The following OSBPL3 variants were observed in gnomAD, a reference collection of about 807,000 sequenced individuals.
OSBPL3 encodes the protein oxysterol-binding protein-related protein 3.
Under a neutral mutation model 120.1 loss-of-function variants are expected in OSBPL3, and 65 were observed. That is an observed-to-expected ratio of 0.54 (90% confidence interval 0.44 to 0.67). The LOEUF (loss-of-function observed/expected upper bound fraction) is 0.67. Ranked by LOEUF, OSBPL3 falls within the 30% of genes least tolerant of loss-of-function variation. The pLI is 0.00. For missense variants in OSBPL3, 1,004 were observed against 1,082.1 expected, an observed-to-expected ratio of 0.93 and a Z score of 1.01; for synonymous variants, 416 against 402.6, an observed-to-expected ratio of 1.03 and a Z score of -0.40.
intron 15 of OSBPL3, among the ~76,000 whole-genome samples, chr7:24,832,833 T>C (rs893558704): frequency 6.6e-6 from 1 of 152,128 alleles, no homozygotes; most frequent in Non-Finnish European, 1.5e-5. Context: ...GGCAGGGGCA[T>C]AAGCAGACGT....
At chr7:24,878,421 AAATCATGT>A (rs780311600) in intron 2 of OSBPL3, among the ~76,000 whole-genome samples, 6 of 152,238 alleles carry the variant, frequency 3.9e-5, no homozygotes, top group Non-Finnish European at 7.3e-5. Context: ...ACCCAGCCTT[AAATCATGT>A]AATTTAATGT....
In OSBPL3 at chr7:24,806,670, A is replaced by G; in HGVS notation, c.2444+106T>C. The G allele has an allele frequency of 9.7e-7, 1 of 1,029,236 alleles. No individual in the cohort carries two copies. The highest frequency in any genetic ancestry group is 1.8e-5 in the South Asian group (1 of 57,004). 63.8% of individuals were successfully genotyped at this position (1,029,236 alleles called of 1,614,324 possible). ...TCCCCACCTCTCAATTCCTGATGAC[A>G]TTTTCCACCTTTCTCAGGTGCCTCT... is the stretch of plus-strand genomic sequence containing the variant. On this transcript the variant is annotated intron_variant, in intron 21 of 22. Coordinates refer to ENST00000313367, the MANE Select transcript of OSBPL3 (RefSeq NM_015550.4). The surrounding 1 kb of genome is among the most constrained non-coding windows in gnomAD (Gnocchi z 5.2).
At position 24,879,137 on chromosome 7, in the gene OSBPL3, T is replaced by C. The variant is rs1207907953; in HGVS notation, c.97-7068A>G. Among the ~76,000 whole-genome samples, 1 of 152,128 alleles carries C rather than the reference T, an allele frequency of 6.6e-6. No individual in the cohort carries two copies. Among genetic ancestry groups the C allele is most frequent in the East Asian group, 1.9e-4 (1 of 5,202 alleles). On this transcript the variant is annotated intron_variant, in intron 2 of 22. Coordinates refer to ENST00000313367, the MANE Select transcript of OSBPL3 (RefSeq NM_015550.4). This position sits in a 1 kb window ranked among gnomAD's most constrained non-coding sequence, Gnocchi z 5.6. ...TCTGGAGTGCTCCATCAGAGGCTGG[T>C]GGTCACCTGGCAGAGGCACCACAGA... is the stretch of plus-strand genomic sequence containing the variant.
Position 24,831,845 on chromosome 7 carries a change from T to A in OSBPL3, c.1747-940A>T, listed in dbSNP as rs914612197. Among the ~76,000 whole-genome samples the A allele has an allele frequency of 2.0e-5, 3 of 152,300 alleles. No homozygotes were observed. The highest frequency in any genetic ancestry group is 3.9e-4 in the East Asian group (2 of 5,182). On this transcript the variant is annotated intron_variant, in intron 15 of 22. Coordinates refer to ENST00000313367, the MANE Select transcript of OSBPL3 (RefSeq NM_015550.4). This position sits in a 1 kb window ranked among gnomAD's most constrained non-coding sequence, Gnocchi z 4.0. ...GCTAAATTTTTGATGTTGCCTGTAA[T>A]AGGGACCACCTCACCACCTCATGCT...
At chr7:24,889,063 T>C (rs1804944523) in intron 2 of OSBPL3, among the ~76,000 whole-genome samples, 1 of 152,014 alleles carries the variant, frequency 6.6e-6, no homozygotes, top group Non-Finnish European at 1.5e-5. Flanking sequence ...ATATACAAAG[T>C]TATAAACATG....
At position 24,922,478 on chromosome 7, in the gene OSBPL3, A is replaced by T. The variant is rs144249028; in HGVS notation, c.-149-29857T>A. Among the ~76,000 whole-genome samples, 844 of 152,308 alleles carry T rather than the reference A, an allele frequency of 5.5e-3. 6 individuals carry two copies. The highest frequency in any genetic ancestry group is 0.019 in the African/African-American group (799 of 41,560). The stretch of plus-strand genomic sequence containing the variant: ...TCGGTGGATACTGTGGTGCTTTTAG[A>T]GTTTGATTCTAGAAACATGACTTTC... On this transcript the variant is annotated intron_variant, in intron 1 of 22. Coordinates refer to ENST00000313367, the MANE Select transcript of OSBPL3 (RefSeq NM_015550.4). This position sits in a 1 kb window ranked among gnomAD's most constrained non-coding sequence, Gnocchi z 4.3.
intron 4 of OSBPL3, 59 bp from the exon 5 acceptor site, chr7:24,870,904 C>T (rs1211427781): frequency 5.1e-6 from 5 of 982,480 alleles, no homozygotes; most frequent in Middle Eastern, 2.2e-4. Flanking sequence ...GTAGTCACAT[C>T]CCTGACACAC....
chr7:24,978,652 A>G (rs745591673), intron 1 of OSBPL3, among the ~76,000 whole-genome samples: 15 of 152,326 alleles, frequency 9.8e-5, no homozygotes, highest in Non-Finnish European at 2.1e-4. Context: ...TACAGTGCAG[A>G]TGATGAGAAG....
rs1195254226 is a variant in OSBPL3, at chr7:24,872,795, AT to A, written c.97-727del. On this transcript the variant is annotated intron_variant, in intron 2 of 22. Transcript: ENST00000313367. The surrounding 1 kb of genome is among the most constrained non-coding windows in gnomAD (Gnocchi z 4.1). ...TTGGCTATTTAGGTTATTTCAACTA[AT>A]TGAAAAAGAATTTTAAAAGAAATAG... Among the ~76,000 whole-genome samples the A allele has an allele frequency of 6.6e-6, 1 of 152,176 alleles. No individual in the cohort carries two copies. Among genetic ancestry groups the A allele is most frequent in the Non-Finnish European group, 1.5e-5 (1 of 68,040 alleles).
chr7:24,934,323 A>G (rs1244906728), intron 1 of OSBPL3, among the ~76,000 whole-genome samples: 1 of 152,164 alleles, frequency 6.6e-6, no homozygotes, highest in African/African-American at 2.4e-5. Flanking sequence ...TTAATGACAG[A>G]TAACCGAGTT....
rs1160189001 is a variant in OSBPL3 at position 24,900,599 on chromosome 7, T to C, written c.-149-7978A>G. ...CAAGGTATGGCAAGTACCAGACACA[T>C]GTGCTTCCAGTCTCCACTCCCAAGC... On this transcript the variant is annotated intron_variant, in intron 1 of 22. Coordinates refer to ENST00000313367, the MANE Select transcript of OSBPL3 (RefSeq NM_015550.4). This position sits in a 1 kb window ranked among gnomAD's most constrained non-coding sequence, Gnocchi z 4.5. Among the ~76,000 whole-genome samples, 2 of 152,178 alleles carry C rather than the reference T, an allele frequency of 1.3e-5. No homozygotes were observed. Among genetic ancestry groups the C allele is most frequent in the Non-Finnish European group, 2.9e-5 (2 of 68,022 alleles).
rs1584600065 is a variant in OSBPL3, at chr7:24,912,892, C to T, written c.-149-20271G>A. On this transcript the variant is annotated intron_variant, in intron 1 of 22. Coordinates refer to ENST00000313367, the MANE Select transcript of OSBPL3 (RefSeq NM_015550.4). The surrounding 1 kb of genome is among the most constrained non-coding windows in gnomAD (Gnocchi z 4.5). Reference sequence around the variant, plus strand: ...ACTTCTGAGGCTGCATTAGAAATGGCAATGTAACTTCCACTTGTCCTGTTG... The same window carrying T: ...ACTTCTGAGGCTGCATTAGAAATGGTAATGTAACTTCCACTTGTCCTGTTG... 6.6e-6 allele frequency among the ~76,000 whole-genome samples: 1 copy of T among 152,182 alleles called. No homozygotes were observed. The highest frequency in any genetic ancestry group is 2.1e-4 in the South Asian group (1 of 4,828).
chr7:24,806,515 G>GTTT lies in OSBPL3; in HGVS notation c.2444+260_2444+261insAAA, dbSNP rs1015793794. Among the ~76,000 whole-genome samples the GTTT allele has an allele frequency of 6.6e-6, 1 of 152,130 alleles. No homozygotes were observed. The highest frequency in any genetic ancestry group is 1.5e-5 in the Non-Finnish European group (1 of 68,032). On this transcript the variant is annotated intron_variant, in intron 21 of 22. Transcript: ENST00000313367. The surrounding 1 kb of genome is among the most constrained non-coding windows in gnomAD (Gnocchi z 5.2). ...ACTAAGTTCTTTATTACTGCATGCA[G>GTTT]TAAAACTCTTCAAAATAAACACCTT...
chr7:24,893,551 C>G (rs930331179), intron 1 of OSBPL3, among the ~76,000 whole-genome samples: 2 of 152,146 alleles, frequency 1.3e-5, no homozygotes, highest in Non-Finnish European at 2.9e-5. Flanking sequence ...GTGGCTCATG[C>G]CTGTAATCCT....
At position 24,973,764 on chromosome 7, in the gene OSBPL3, A is replaced by G. The variant is rs116335958; in HGVS notation, c.-150+6122T>C. Among the ~76,000 whole-genome samples the G allele has an allele frequency of 5.2e-3, 799 of 152,356 alleles. 8 individuals carry two copies. Among genetic ancestry groups the G allele is most frequent in the African/African-American group, 0.018 (755 of 41,576 alleles). On this transcript the variant is annotated intron_variant, in intron 1 of 22. Coordinates refer to ENST00000313367, the MANE Select transcript of OSBPL3 (RefSeq NM_015550.4). The stretch of plus-strand genomic sequence containing the variant: ...AAAGAAGCATCTTTGAAAAAAATCA[A>G]TATTTCCCAATCCTTTCATACCAGA...
rs912921078 is a variant in OSBPL3 at position 24,872,448 on chromosome 7, A to AGAGAGAGT, written c.97-380_97-379insACTCTCTC. 4.1e-5 allele frequency among the ~76,000 whole-genome samples: 6 copies of AGAGAGAGT among 144,988 alleles called. No individual in the cohort carries two copies. Among genetic ancestry groups the AGAGAGAGT allele is most frequent in the African/African-American group, 1.5e-4 (6 of 38,820 alleles). On this transcript the variant is annotated intron_variant, in intron 2 of 22. Coordinates refer to ENST00000313367, the MANE Select transcript of OSBPL3 (RefSeq NM_015550.4). The surrounding 1 kb of genome is among the most constrained non-coding windows in gnomAD (Gnocchi z 4.1). ...TCAGTCTGAATTTTAACCGAAAGAG[A>AGAGAGAGT]GTGTGTGTGTGTGTGTGTGTGTGTG...
Position 24,835,629 on chromosome 7 carries a change from C to T in OSBPL3, c.1496-893G>A, listed in dbSNP as rs568969424. On this transcript the variant is annotated intron_variant, in intron 14 of 22. Transcript: ENST00000313367. The surrounding 1 kb of genome is among the most constrained non-coding windows in gnomAD (Gnocchi z 4.8). ...GCATGCACGTGTATGTTTATCACAG[C>T]ACTATTCCCAACAGCAAAGACATGG... Among the ~76,000 whole-genome samples the T allele has an allele frequency of 1.3e-5, 2 of 152,234 alleles. No individual in the cohort carries two copies. The highest frequency in any genetic ancestry group is 4.8e-5 in the African/African-American group (2 of 41,542).
At chr7:24,970,316 G>A (rs949631015) in intron 1 of OSBPL3, among the ~76,000 whole-genome samples, 1 of 151,988 alleles carries the variant, frequency 6.6e-6, no homozygotes, top group Non-Finnish European at 1.5e-5. Flanking sequence ...CACGCGGCCA[G>A]GCTGGTCTCG....
intron 1 of OSBPL3, among the ~76,000 whole-genome samples, chr7:24,915,034 G>T (rs1340753817): frequency 6.6e-6 from 1 of 152,228 alleles, no homozygotes; most frequent in African/African-American, 2.4e-5. Flanking sequence ...GTAGATGAAA[G>T]TATTTGCCAC....
Sources: gnomAD v4.1 joint callset for allele counts (sites outside exome capture counted in the v4.1 genomes callset) on GRCh38, gnomAD v4.1.1 for gene constraint, Gnocchi (gnomAD v3.1) non-coding constraint, MANE v1.5 for transcripts, NCBI Gene and HGNC (gene_info 2026-07-23, HGNC 2026-07-21) for gene names.